ROBO2: variants seen among roughly 807,000 people sequenced by gnomAD.
ROBO2 encodes roundabout guidance receptor 2.
Under a neutral mutation model 160.8 loss-of-function variants are expected in ROBO2, and 53 were observed. That is an observed-to-expected ratio of 0.33 (90% CI 0.26 to 0.41). The LOEUF is 0.41. Ranked by LOEUF, ROBO2 falls within the 10% of genes least tolerant of loss-of-function variation. The pLI, the probability that ROBO2 is intolerant of heterozygous loss-of-function variation, is 1.00. For synonymous variants in ROBO2, 664 were observed against 611.7 expected (o/e 1.09, Z -1.26); for missense variants, 1,577 against 1,722.4 (o/e 0.92, Z 1.49).
intron 2 of ROBO2, among the ~76,000 whole-genome samples, chr3:76,686,459 C>T (rs1175077220): frequency 1.3e-5 from 2 of 148,632 alleles, no homozygotes; most frequent in Non-Finnish European, 1.5e-5. Flanking sequence ...TTTTCCTGCT[C>T]ATGGTTCCTG....
chr3:77,455,736 TC>T (rs1038103019), intron 2 of ROBO2, among the ~76,000 whole-genome samples: 1 of 105,988 alleles, frequency 9.4e-6, no homozygotes, highest in African/African-American at 6.4e-5. Context: ...GGCCTTATAC[TC>T]TTTTTTTTTT....
intron 2 of ROBO2, among the ~76,000 whole-genome samples, chr3:76,717,568 G>T (rs536184432): frequency 6.6e-6 from 1 of 151,988 alleles, no homozygotes; most frequent in East Asian, 1.9e-4. Flanking sequence ...TGTGAGTATT[G>T]TGTATTTGCA....
intron 2 of ROBO2, among the ~76,000 whole-genome samples, chr3:76,719,006 C>T (rs1009373594): frequency 1.3e-5 from 2 of 152,050 alleles, no homozygotes; most frequent in East Asian, 3.9e-4. Flanking sequence ...TATTATGTTA[C>T]CCATCATTCC....
At chr3:76,820,110 G>C (rs915332265) in intron 2 of ROBO2, among the ~76,000 whole-genome samples, 1 of 152,002 alleles carries the variant, frequency 6.6e-6, no homozygotes. Context: ...ATTGAAAAAG[G>C]CCTGTTAATC....
At chr3:77,058,006 CAT>C (rs2065930130) in intron 1 of ROBO2, among the ~76,000 whole-genome samples, 1 of 151,788 alleles carries the variant, frequency 6.6e-6, no homozygotes, top group Non-Finnish European at 1.5e-5. Context: ...AAAAGAAAAA[CAT>C]GTGGCTGGAT....
At chr3:76,877,546 A>T (rs1225768422) in intron 2 of ROBO2, among the ~76,000 whole-genome samples, 1 of 152,188 alleles carries the variant, frequency 6.6e-6, no homozygotes, top group Admixed American at 6.5e-5. Context: ...TCTAGTATGA[A>T]GTAAATGATG....
chr3:76,751,436 A>T (rs1255279439), intron 2 of ROBO2, among the ~76,000 whole-genome samples: 1 of 152,128 alleles, frequency 6.6e-6, no homozygotes, highest in East Asian at 1.9e-4. Context: ...CAACAACAAA[A>T]GTCAAAATTG....
chr3:76,395,667 A>G (rs1391613384), intron 2 of ROBO2, among the ~76,000 whole-genome samples: 4 of 152,162 alleles, frequency 2.6e-5, no homozygotes, highest in Admixed American at 1.3e-4. Context: ...AGAAATACAA[A>G]CTACCATCAG....
chr3:76,595,485 C>A (rs1318269056), intron 2 of ROBO2, among the ~76,000 whole-genome samples: 1 of 151,686 alleles, frequency 6.6e-6, no homozygotes, highest in East Asian at 1.9e-4. Flanking sequence ...ACTTGTGTGA[C>A]ACTAAGAATG....
chr3:76,251,970 A>G (rs959346015), intron 2 of ROBO2, among the ~76,000 whole-genome samples: 1 of 152,020 alleles, frequency 6.6e-6, no homozygotes, highest in African/African-American at 2.4e-5. Flanking sequence ...TAAAACAATG[A>G]TATGTTGTTG....
rs546316836 is a variant in ROBO2, at chr3:76,498,573, T to G, written c.109+560971T>G. ...TCTGTTCTATGCAAGAAATACATAA[T>G]TTTTGTCAATTTAAAAATTTATTAA... On this transcript the variant is annotated intron_variant, in intron 2 of 26. Coordinates refer to the ROBO2 transcript ENST00000487694. Among the ~76,000 whole-genome samples the G allele has an allele frequency of 6.6e-5, 10 of 151,992 alleles. No homozygotes were observed. In the South Asian group the frequency reaches 1.9e-3, roughly 28 times the overall value.
chr3:76,534,489 C>A (rs1046971834), intron 2 of ROBO2, among the ~76,000 whole-genome samples: 27 of 152,096 alleles, frequency 1.8e-4, no homozygotes, highest in African/African-American at 6.3e-4. Context: ...GTGTGAGTGG[C>A]AGTCTGAATG....
chr3:76,437,237 A>G (rs968285452), intron 2 of ROBO2, among the ~76,000 whole-genome samples: 1 of 152,182 alleles, frequency 6.6e-6, no homozygotes, highest in African/African-American at 2.4e-5. Flanking sequence ...TTAAGGAAAA[A>G]CATTTTATAT....
chr3:76,700,093 C>T (rs2093015853), intron 2 of ROBO2, among the ~76,000 whole-genome samples: 1 of 152,106 alleles, frequency 6.6e-6, no homozygotes, highest in Admixed American at 6.6e-5. Flanking sequence ...CAACAAAAAA[C>T]TTCTTGGCAA....
intron 5 of ROBO2, among the ~76,000 whole-genome samples, chr3:77,506,078 G>T (rs1192388373): frequency 1.3e-5 from 2 of 152,078 alleles, no homozygotes; most frequent in Non-Finnish European, 1.5e-5. Flanking sequence ...AGGAAACATG[G>T]TAACAAAACT....
At chr3:76,591,351 T>C (rs1379894091) in intron 2 of ROBO2, among the ~76,000 whole-genome samples, 1 of 152,066 alleles carries the variant, frequency 6.6e-6, no homozygotes, top group Non-Finnish European at 1.5e-5. Flanking sequence ...GCTCTCTCAA[T>C]AGAGGCAGAT....
At chr3:77,552,834 A>G (rs1443003086) in intron 8 of ROBO2, among the ~76,000 whole-genome samples, 3 of 151,998 alleles carry the variant, frequency 2.0e-5, no homozygotes, top group Non-Finnish European at 4.4e-5. Flanking sequence ...TGATGCCTTA[A>G]GCTTCTACCC....
intron 2 of ROBO2, among the ~76,000 whole-genome samples, chr3:76,218,887 G>A (rs78906800): frequency 0.11 from 16,352 of 152,140 alleles, 1,143 homozygotes; most frequent in African/African-American, 0.2. Context: ...AAAGCTGGAG[G>A]CATCACACTA....
chr3:77,139,571 G>C lies in ROBO2; in HGVS notation c.388+41231G>C, dbSNP rs532871125. ...ATCACTTGTCTGATTTGGAAGTGTG[G>C]TATATAATGCAGATATGAAACCAGC... is the stretch of plus-strand genomic sequence containing the variant. On this transcript the variant is annotated intron_variant, in intron 2 of 25. Coordinates refer to ENST00000461745, the Ensembl canonical transcript of ROBO2. Among the ~76,000 whole-genome samples the C allele has an allele frequency of 2.0e-5, 3 of 152,270 alleles. No individual in the cohort carries two copies. The South Asian group carries it at 6.2e-4, about 32-fold the overall frequency.
Sources: gnomAD v4.1 joint callset for allele counts (sites outside exome capture counted in the v4.1 genomes callset) on GRCh38, gnomAD v4.1.1 for gene constraint, MANE v1.5 for transcripts, NCBI Gene and HGNC (gene_info 2026-07-23, HGNC 2026-07-21) for gene names.